TXNRD2: variants seen among roughly 807,000 people sequenced by gnomAD.
TXNRD2 encodes the protein thioredoxin reductase 2.
In TXNRD2, 67 loss-of-function variants were observed where a neutral mutation model predicts 70.8. The ratio of observed to expected loss-of-function variants is 0.95; its 90% CI spans 0.78 to 1.16. The LOEUF (loss-of-function observed/expected upper bound fraction) is 1.16. TXNRD2 is among the 50% of genes most tolerant of loss of function. The pLI, the probability that TXNRD2 is intolerant of heterozygous loss-of-function variation, is 0.00. For missense variants in TXNRD2, 644 were observed against 719.9 expected (o/e 0.89, Z 1.21); for synonymous variants, 301 against 295.8 (o/e 1.02, Z -0.18).
chr22:19,879,193 T>G (rs1170691413), intron 14 of TXNRD2, among the ~76,000 whole-genome samples: 1 of 152,214 alleles, frequency 6.6e-6, no homozygotes, highest in Non-Finnish European at 1.5e-5. Context: ...AAGGCTGGCC[T>G]GTCAGGCCCG....
chr22:19,936,084 T>C (rs1941529492), intron 1 of TXNRD2, among the ~76,000 whole-genome samples: 1 of 152,168 alleles, frequency 6.6e-6, no homozygotes, highest in Admixed American at 6.5e-5. Flanking sequence ...GAACGTTAGA[T>C]GTGGAACTAT....
intron 5 of TXNRD2, 106 bp from the exon 6 acceptor site, chr22:19,915,949 G>A (rs1385253863): frequency 2.9e-6 from 3 of 1,031,214 alleles, no homozygotes; most frequent in Non-Finnish European, 1.5e-6. Context: ...CCCCAGCAGG[G>A]CCTGGTGCTG....
At chr22:19,939,901 T>G (rs1330875374) in intron 1 of TXNRD2, among the ~76,000 whole-genome samples, 1 of 152,194 alleles carries the variant, frequency 6.6e-6, no homozygotes, top group Non-Finnish European at 1.5e-5. Flanking sequence ...AGGGCCCATC[T>G]AAAACTTCAA....
At chr22:19,882,180 C>T (rs5993850) in intron 12 of TXNRD2, among the ~76,000 whole-genome samples, 40,639 of 152,006 alleles carry the variant, frequency 0.27, 8,022 homozygotes, top group African/African-American at 0.56. Context: ...CAGAGGCTTC[C>T]GAGGGAGCCT....
At chr22:19,918,763 C>T in intron 4 of TXNRD2, 97 bp downstream of exon 4, 2 of 1,475,902 alleles carry the variant, frequency 1.4e-6, no homozygotes, top group Non-Finnish European at 1.9e-6. Flanking sequence ...TCCTACGGCC[C>T]ACTCCCCATG....
intron 7 of TXNRD2, 78 bp downstream of exon 7, chr22:19,915,136 C>T (rs1339542496): frequency 1.1e-5 from 15 of 1,340,676 alleles, no homozygotes; most frequent in African/African-American, 7.2e-5. Flanking sequence ...GTGGGAAGCA[C>T]GTGTGTAAAA....
At chr22:19,919,867 G>A (rs1940828363) in intron 2 of TXNRD2, among the ~76,000 whole-genome samples, 1 of 113,774 alleles carries the variant, frequency 8.8e-6, no homozygotes, top group Non-Finnish European at 1.8e-5. Context: ...CCACAGGCAG[G>A]AGCCCTCAGA....
At chr22:19,909,666 C>CA (rs1940254824) in intron 8 of TXNRD2, among the ~76,000 whole-genome samples, 1 of 137,950 alleles carries the variant, frequency 7.2e-6, no homozygotes, top group African/African-American at 2.7e-5. Context: ...CACACACACA[C>CA]CACTCACACA....
At chr22:19,886,031 A>G (rs1939014055) in intron 11 of TXNRD2, among the ~76,000 whole-genome samples, 1 of 152,254 alleles carries the variant, frequency 6.6e-6, no homozygotes, top group South Asian at 2.1e-4. Flanking sequence ...GAAAGGCATG[A>G]CAGCTGGACA....
intron 11 of TXNRD2, among the ~76,000 whole-genome samples, chr22:19,890,535 A>T (rs1939218839): frequency 6.6e-6 from 1 of 152,006 alleles, no homozygotes; most frequent in South Asian, 2.1e-4. Flanking sequence ...AGCAAGGCGC[A>T]TCCCTGAGAG....
chr22:19,898,153 C>A (rs973138279), intron 9 of TXNRD2, 23 bp from the exon 10 acceptor site: 17 of 1,549,846 alleles, frequency 1.1e-5, no homozygotes, highest in Non-Finnish European at 1.5e-5. Flanking sequence ...AGCTAAGGAG[C>A]ACTGTAGATC....
chr22:19,896,615 G>A (rs986823862), intron 10 of TXNRD2, among the ~76,000 whole-genome samples: 6 of 152,210 alleles, frequency 3.9e-5, no homozygotes, highest in East Asian at 3.9e-4. Flanking sequence ...TCTCCCTCCC[G>A]GCCCAGGAGG....
intron 11 of TXNRD2, chr22:19,891,750 A>G (rs879470500): frequency 1.3e-5 from 2 of 152,246 alleles, no homozygotes; most frequent in South Asian, 4.1e-4. Context: ...CCAGTCTATT[A>G]TCTGAGACAC....
intron 8 of TXNRD2, among the ~76,000 whole-genome samples, chr22:19,900,575 C>A (rs58923483): frequency 2.0e-5 from 3 of 152,036 alleles, no homozygotes; most frequent in Non-Finnish European, 4.4e-5. Context: ...ATGGTGAAAC[C>A]CCATCTCTAC....
chr22:19,898,233 C>G, intron 9 of TXNRD2, 103 bp from the exon 10 acceptor site: 2 of 1,125,786 alleles, frequency 1.8e-6, no homozygotes, highest in Non-Finnish European at 2.6e-6. Context: ...CCATCCATGG[C>G]TGGCCCTGGA....
intron 1 of TXNRD2, among the ~76,000 whole-genome samples, chr22:19,937,311 G>A (rs1042353624): frequency 3.3e-5 from 5 of 152,158 alleles, no homozygotes; most frequent in African/African-American, 9.7e-5. Flanking sequence ...GAGAGCTTGG[G>A]ATAAATTACG....
At chr22:19,880,496 C>G in intron 13 of TXNRD2, 126 bp downstream of exon 13, 2 of 914,288 alleles carry the variant, frequency 2.2e-6, no homozygotes, top group Non-Finnish European at 3.5e-6. Context: ...CCCACATAAG[C>G]GCACACACAC....
chr22:19,935,302 T>C (rs889176373), intron 1 of TXNRD2, among the ~76,000 whole-genome samples: 2 of 152,180 alleles, frequency 1.3e-5, no homozygotes, highest in Non-Finnish European at 2.9e-5. Flanking sequence ...AAATACGCCC[T>C]GGTCTCCTGC....
At chr22:19,909,205 C>CAAA (rs199938429) in intron 8 of TXNRD2, among the ~76,000 whole-genome samples, 3 of 73,732 alleles carry the variant, frequency 4.1e-5, no homozygotes, top group Non-Finnish European at 6.2e-5. Flanking sequence ...GACTCTGTTT[C>CAAA]AAAAAAAAAA....
Sources: gnomAD v4.1 joint callset for allele counts (sites outside exome capture counted in the v4.1 genomes callset) on GRCh38, gnomAD v4.1.1 for gene constraint, MANE v1.5 for transcripts, NCBI Gene and HGNC (gene_info 2026-07-23, HGNC 2026-07-21) for gene names.